The following SLC45A4 variants were observed in gnomAD, a reference collection of about 807,000 sequenced individuals.
SLC45A4 encodes solute carrier family 45 member 4, also known as polyamine-transporter SLC45A4.
SLC45A4 carries 32 observed loss-of-function variants against 63.7 expected under a neutral mutation model. That is an observed-to-expected ratio of 0.50 (90% CI 0.38 to 0.67). The LOEUF (loss-of-function observed/expected upper bound fraction) is 0.67. Ranked by LOEUF, SLC45A4 falls within the 30% of genes least tolerant of loss-of-function variation. The probability of loss-of-function intolerance (pLI) is 0.00; values close to 1 mark genes in which losing one functional copy is unlikely to be tolerated. For missense variants in SLC45A4, 1,027 were observed against 1,157.7 expected, an observed-to-expected ratio of 0.89 and a Z score of 1.64; for synonymous variants, 535 against 510.0, an observed-to-expected ratio of 1.05 and a Z score of -0.66.
rs531225930 is a variant in SLC45A4 at position 141,227,828 on chromosome 8, G to A, written c.242-6063C>T. On this transcript the variant is annotated intron_variant, in intron 2 of 8. Transcript: ENST00000517878. The surrounding 1 kb of genome is among the most constrained non-coding windows in gnomAD (Gnocchi z 4.4). ...AACCGGCCCGTCATTTAGGGTGGAGGGGACAGCAGCACCTTGAGTGTTCTC... is the reference window on the plus strand; with the variant it reads ...AACCGGCCCGTCATTTAGGGTGGAGAGGACAGCAGCACCTTGAGTGTTCTC... Among the ~76,000 whole-genome samples, 5 of 152,338 alleles carry A rather than the reference G, an allele frequency of 3.3e-5. No homozygotes were observed. Among genetic ancestry groups the A allele is most frequent in the South Asian group, 4.1e-4 (2 of 4,830 alleles).
rs1230329013 is a variant in SLC45A4, at chr8:141,256,898, G to A, written c.-400-2269C>T. On this transcript the variant is annotated intron_variant, in intron 1 of 8. Coordinates refer to ENST00000517878, the MANE Select transcript of SLC45A4 (RefSeq NM_001286646.2). This position sits in a 1 kb window ranked among gnomAD's most constrained non-coding sequence, Gnocchi z 4.3. Reference sequence around the variant, plus strand: ...TGAGACAGTCTCGCTCTGTTGCCCAGGCTGGAGTGCAGTGGTGTGATCTCG... The same window carrying A: ...TGAGACAGTCTCGCTCTGTTGCCCAAGCTGGAGTGCAGTGGTGTGATCTCG... The A allele has an allele frequency of 1.2e-5, 4 of 323,498 alleles. No individual in the cohort carries two copies. The highest frequency in any genetic ancestry group is 1.2e-4 in the Admixed American group (3 of 24,802). 20.0% of individuals were successfully genotyped at this position (323,498 alleles called of 1,614,324 possible).
chr8:141,264,254 T>A (rs1829167459), intron 1 of SLC45A4, among the ~76,000 whole-genome samples: 1 of 152,100 alleles, frequency 6.6e-6, no homozygotes, highest in South Asian at 2.1e-4. Context: ...ACTTTGCATC[T>A]CCCGGTGGCC....
chr8:141,219,140 G>GT, intron 4 of SLC45A4, 111 bp from the exon 5 acceptor site: 2 of 1,245,376 alleles, frequency 1.6e-6, no homozygotes, highest in South Asian at 3.0e-5. Context: ...CTCATGATGG[G>GT]AGTCAGGGGC....
intron 1 of SLC45A4, among the ~76,000 whole-genome samples, chr8:141,279,029 G>C (rs956765791): frequency 1.3e-5 from 2 of 152,202 alleles, no homozygotes; most frequent in African/African-American, 4.8e-5. Context: ...GGCTGGGCCT[G>C]GCTTCCACAC....
intron 1 of SLC45A4, among the ~76,000 whole-genome samples, chr8:141,258,187 C>CG (rs1255500421): frequency 1.3e-5 from 2 of 152,014 alleles, no homozygotes; most frequent in African/African-American, 4.8e-5. Flanking sequence ...TGCTGCCCTC[C>CG]GGCCTGGCCT....
intron 2 of SLC45A4, among the ~76,000 whole-genome samples, chr8:141,243,219 G>C (rs1300717268): frequency 6.6e-6 from 1 of 152,218 alleles, no homozygotes; most frequent in Non-Finnish European, 1.5e-5. Flanking sequence ...ATGTGGCTCA[G>C]CAGGTCCTCC....
intron 2 of SLC45A4, among the ~76,000 whole-genome samples, chr8:141,231,715 G>C (rs1241631930): frequency 6.6e-6 from 1 of 152,208 alleles, no homozygotes; most frequent in South Asian, 2.1e-4. Context: ...GCCACTGTGG[G>C]CCCTGCCCAG....
chr8:141,293,134 A>G (rs1830419455), intron 1 of SLC45A4, among the ~76,000 whole-genome samples: 1 of 152,162 alleles, frequency 6.6e-6, no homozygotes, highest in Non-Finnish European at 1.5e-5. Context: ...GACTACAGCC[A>G]CCTGCTTCCT....
At chr8:141,293,214 G>A (rs1830421649) in intron 1 of SLC45A4, among the ~76,000 whole-genome samples, 1 of 152,204 alleles carries the variant, frequency 6.6e-6, no homozygotes, top group South Asian at 2.1e-4. Flanking sequence ...CAGCACTTTG[G>A]GAGGCTGAGG....
intron 1 of SLC45A4, among the ~76,000 whole-genome samples, chr8:141,285,409 A>T (rs1830101195): frequency 6.6e-6 from 1 of 152,120 alleles, no homozygotes; most frequent in African/African-American, 2.4e-5. Flanking sequence ...ACCTTCACTA[A>T]ATCTTTACCG....
At chr8:141,280,187 G>A (rs1019960) in intron 1 of SLC45A4, among the ~76,000 whole-genome samples, 5,507 of 152,316 alleles carry the variant, frequency 0.036, 143 homozygotes, top group Admixed American at 0.056. Flanking sequence ...CACTGTGAGT[G>A]AGACAGAGCA....
intron 1 of SLC45A4, among the ~76,000 whole-genome samples, chr8:141,284,499 G>A (rs998730702): frequency 6.6e-6 from 1 of 152,142 alleles, no homozygotes; most frequent in Admixed American, 6.5e-5. Flanking sequence ...CAGGAGGGCC[G>A]CTGAAAACAG....
At position 141,218,392 on chromosome 8, in the gene SLC45A4, C is replaced by T. The variant is rs760042679; in HGVS notation, c.1248G>A (p.Arg416=). 6.2e-7 allele frequency: 1 copy of T among 1,607,724 alleles called. No individual in the cohort carries two copies. The highest frequency in any genetic ancestry group is 1.1e-5 in the South Asian group (1 of 91,034). ...SATSSSMRRR[R]HAFRRQASST... is the part of the protein sequence containing the mutation. ...TGGAGGCCTGCCTGCGGAACGCGTG[C>T]CGCCGCCGCCGCATGGAGCTCGACG... The change falls in exon 5 of 9, where the codon CGG becomes CGA. Residue 416 remains arginine, a synonymous_variant. Coordinates refer to ENST00000517878, the MANE Select transcript of SLC45A4 (RefSeq NM_001286646.2).
intron 2 of SLC45A4, among the ~76,000 whole-genome samples, chr8:141,247,543 T>C (rs1207190168): frequency 1.3e-5 from 2 of 152,206 alleles, no homozygotes; most frequent in African/African-American, 2.4e-5. Context: ...AAAATTTATA[T>C]GGAGATGTGA....
chr8:141,240,784 A>C (rs1391155652), intron 2 of SLC45A4, among the ~76,000 whole-genome samples: 1 of 152,208 alleles, frequency 6.6e-6, no homozygotes. Flanking sequence ...GCTGCCCGAC[A>C]CTGTGATTGG....
rs141285168 is a variant in SLC45A4, at chr8:141,267,381, G to A, written c.-400-12752C>T. Among the ~76,000 whole-genome samples, 809 of 152,390 alleles carry A rather than the reference G, an allele frequency of 5.3e-3. 8 individuals carry two copies. Among genetic ancestry groups the A allele is most frequent in the African/African-American group, 0.019 (789 of 41,596 alleles). On this transcript the variant is annotated intron_variant, in intron 1 of 8. Coordinates refer to ENST00000517878, the MANE Select transcript of SLC45A4 (RefSeq NM_001286646.2). ...GATGGAGGCAGGCTCACCAGCGAGC[G>A]TACGGCTGTGCACATGCGTGCCTGC...
intron 2 of SLC45A4, among the ~76,000 whole-genome samples, chr8:141,230,546 G>C (rs369909984): frequency 1.3e-5 from 2 of 152,366 alleles, no homozygotes; most frequent in East Asian, 3.9e-4. Context: ...CTCCAGGATG[G>C]GGTAAGCAGC....
chr8:141,217,003 T>C lies in SLC45A4; in HGVS notation c.1729+87A>G, dbSNP rs748583591. ...AGTCAGTGCGACTGATGGCCCCAGC[T>C]TCTAAGGTGCAGGATTCTCTCGTCT... On this transcript the variant is annotated intron_variant, in intron 6 of 8. Transcript: ENST00000517878. The C allele has an allele frequency of 5.5e-4, 750 of 1,371,060 alleles. 4 individuals carry two copies. The highest frequency in any genetic ancestry group is 5.4e-4 in the Middle Eastern group (3 of 5,536). The allele number at this position is 1,371,060 out of a possible 1,614,324, so 84.9% of individuals were successfully genotyped here.
intron 1 of SLC45A4, among the ~76,000 whole-genome samples, chr8:141,305,614 A>C (rs1156641230): frequency 6.6e-6 from 1 of 152,136 alleles, no homozygotes; most frequent in Non-Finnish European, 1.5e-5. Context: ...GTTGTCTGCC[A>C]CCTACAGTGC....
Sources: allele counts gnomAD v4.1 joint callset (sites outside exome capture counted in the v4.1 genomes callset), GRCh38; gene constraint gnomAD v4.1.1; non-coding constraint Gnocchi (gnomAD v3.1); transcripts MANE v1.5; gene names NCBI Gene and HGNC (gene_info 2026-07-23, HGNC 2026-07-21).